The following CHD9 variants were observed in gnomAD, a reference collection of about 807,000 sequenced individuals.
CHD9 encodes the protein ATP-dependent chromatin remodeler CHD9.
In CHD9, 77 loss-of-function variants were observed where a neutral mutation model predicts 316.1. The observed-to-expected ratio is 0.24, with a 90% CI of 0.20 to 0.29. CHD9 has a LOEUF of 0.29. Ranked by LOEUF, CHD9 falls within the 10% of genes least tolerant of loss-of-function variation. The probability of loss-of-function intolerance (pLI) is 1.00; values close to 1 mark genes in which losing one functional copy is unlikely to be tolerated. For synonymous variants in CHD9, 1,129 were observed against 1,158.3 expected, an observed-to-expected ratio of 0.97 and a Z score of 0.51; for missense variants, 2,763 against 3,438.1, an observed-to-expected ratio of 0.80 and a Z score of 4.91.
intron 19 of CHD9, among the ~76,000 whole-genome samples, chr16:53,259,403 T>C (rs2050888257): frequency 6.6e-6 from 1 of 152,206 alleles, no homozygotes; most frequent in Non-Finnish European, 1.5e-5. Context: ...GCATATAATT[T>C]TTTTTTAGGT....
At chr16:53,118,501 C>T (rs952210120) in intron 1 of CHD9, among the ~76,000 whole-genome samples, 1 of 152,074 alleles carries the variant, frequency 6.6e-6, no homozygotes, top group South Asian at 2.1e-4. Context: ...TAATGGTAAC[C>T]AGAGAAAAAG....
Position 53,157,532 on chromosome 16 carries a change from A to G in CHD9, c.1443A>G (p.Leu481=), listed in dbSNP as rs2041602432. 6.2e-7 allele frequency: 1 copy of G among 1,611,294 alleles called. No individual in the cohort carries two copies. The highest frequency in any genetic ancestry group is 2.2e-5 in the East Asian group (1 of 44,824). Residue 481 remains leucine, a synonymous_variant, in exon 2 of 39, where the codon TTA becomes TTG. Transcript: ENST00000447540. ...QHLHDRNHLC[L]QRQPPSSKKS... is the part of the protein sequence containing the mutation. ...TACATGACAGAAATCACCTATGTTT[A>G]CAGCGACAGGTATGTAGCTCTTTGC...
intron 1 of CHD9, among the ~76,000 whole-genome samples, chr16:53,106,335 T>G (rs1398255743): frequency 2.0e-5 from 3 of 152,190 alleles, no homozygotes; most frequent in African/African-American, 4.8e-5. Context: ...AGTTCAGGCT[T>G]CAGAATGTTT....
intron 24 of CHD9, among the ~76,000 whole-genome samples, chr16:53,280,302 G>T (rs2053281606): frequency 6.6e-6 from 1 of 151,264 alleles, no homozygotes; most frequent in South Asian, 2.1e-4. Context: ...AATGGATAAA[G>T]AAACTGTGGT....
Position 53,304,163 on chromosome 16 carries a change from A to C in CHD9, c.6157A>C (p.Lys2053Gln). 1 of 1,612,920 alleles carries C rather than the reference A, an allele frequency of 6.2e-7. No homozygotes were observed. Among genetic ancestry groups the C allele is most frequent in the Non-Finnish European group, 8.5e-7 (1 of 1,179,480 alleles). The part of the protein sequence containing the change: ...EEMKVKSENL[K>Q]EEPQSSEEES... ...GATGAAAGTTAAAAGTGAAAACCTT[A>C]AAGAGGAGCCTCAGTCTTCTGAAGA... The change falls in exon 31 of 39, where the codon AAA becomes CAA. Residue 2053 changes from lysine to glutamine, a missense_variant. Lys to Gln is a moderately conservative substitution (Grantham distance 53). Coordinates refer to ENST00000447540, the MANE Select transcript of CHD9 (RefSeq NM_001308319.2).
chr16:53,063,542 T>C (rs956869368), intron 1 of CHD9, among the ~76,000 whole-genome samples: 4 of 152,066 alleles, frequency 2.6e-5, no homozygotes, highest in Admixed American at 2.0e-4. Flanking sequence ...TTTTTATTTT[T>C]ATTTTTTTGA....
chr16:53,150,994 T>C (rs1477916910), intron 1 of CHD9, among the ~76,000 whole-genome samples: 2 of 152,162 alleles, frequency 1.3e-5, no homozygotes, highest in African/African-American at 4.8e-5. Flanking sequence ...CTTGGATATG[T>C]AGATTAATGT....
chr16:53,058,704 T>C (rs76616241), intron 1 of CHD9, among the ~76,000 whole-genome samples: 2,163 of 152,226 alleles, frequency 0.014, 59 homozygotes, highest in African/African-American at 0.05. Context: ...ATTTCCGCCT[T>C]TGAGAGATGA....
chr16:53,084,120 G>A (rs2035262711), intron 1 of CHD9, among the ~76,000 whole-genome samples: 2 of 151,978 alleles, frequency 1.3e-5, no homozygotes, highest in Admixed American at 1.3e-4. Context: ...CTTGACTCCT[G>A]GTTTCAAGCA....
At position 53,326,748 on chromosome 16, in the gene CHD9, A is replaced by C. The variant is rs576391898; in HGVS notation, c.*1853A>C. The stretch of plus-strand genomic sequence containing the variant: ...TTTGTTTAACTAGAATACACCTATG[A>C]GATAGCCAAAGTTTCAAACACAGTT... On this transcript the variant is annotated 3_prime_UTR_variant, in exon 39 of 39. Coordinates refer to ENST00000447540, the MANE Select transcript of CHD9 (RefSeq NM_001308319.2). 3 of 148,454 alleles carry C rather than the reference A, an allele frequency of 2.0e-5. No individual in the cohort carries two copies. The East Asian group carries it at 6.0e-4, about 30-fold the overall frequency. 9.2% of individuals were successfully genotyped at this position (148,454 alleles called of 1,614,324 possible). A position where few individuals can be genotyped will look rare whatever the true frequency, so the allele number is the denominator to read the frequency against.
In CHD9 at chr16:53,324,329, A is replaced by G. The variant is rs189895358; in HGVS notation, c.8128A>G (p.Met2710Val). ...AGGAGAAGCTAAAAACATGGCTGCT[A>G]TGTTCCCCATGCTGCTGTCAGGAAT... ...SGGEAKNMAAMFPMLLSGMAG... is the reference protein window; with the variant it reads ...SGGEAKNMAAVFPMLLSGMAG... The change falls in exon 39 of 39, where the codon ATG becomes GTG. Residue 2710 changes from methionine to valine, a missense_variant. This residue lies in a region of CHD9 where 298 missense variants were observed against 380.2 expected (regional missense o/e 0.78). Transcript: ENST00000447540. 455 of 1,613,974 alleles carry G rather than the reference A, an allele frequency of 2.8e-4. 4 individuals are homozygous for G. In the Admixed American group the frequency reaches 6.8e-3, roughly 24 times the overall value.
At chr16:53,316,969 C>T (rs1315630484) in intron 36 of CHD9, among the ~76,000 whole-genome samples, 5 of 152,030 alleles carry the variant, frequency 3.3e-5, no homozygotes. Flanking sequence ...GAGGCCGAGG[C>T]GGGCAGATCA....
intron 22 of CHD9, among the ~76,000 whole-genome samples, chr16:53,271,814 A>G (rs926086351): frequency 6.6e-6 from 1 of 152,144 alleles, no homozygotes; most frequent in African/African-American, 2.4e-5. Context: ...TGAATCTGGG[A>G]AAATCTTGTT....
At chr16:53,122,544 C>CT (rs35643983) in intron 1 of CHD9, among the ~76,000 whole-genome samples, 2,085 of 129,830 alleles carry the variant, frequency 0.016, 21 homozygotes, top group Non-Finnish European at 0.025. Context: ...CTGGGAATCC[C>CT]TTTTTTTTTT....
chr16:53,186,052 A>G (rs1445551062), intron 2 of CHD9, among the ~76,000 whole-genome samples: 1 of 152,198 alleles, frequency 6.6e-6, no homozygotes, highest in Non-Finnish European at 1.5e-5. Context: ...GGCACTGCCT[A>G]GTGGAGCTGT....
In CHD9 at chr16:53,238,550, G is replaced by A; in HGVS notation, c.2841G>A (p.Met947Ile). The A allele has an allele frequency of 1.2e-6, 2 of 1,613,202 alleles. No individual in the cohort carries two copies. The highest frequency in any genetic ancestry group is 1.7e-6 in the Non-Finnish European group (2 of 1,179,368). ...VYHGSLISRQMIQQYEMYFRD... is the reference protein window; with the variant it reads ...VYHGSLISRQIIQQYEMYFRD... ...ATGGGAGCCTGATTAGCAGACAAAT[G>A]ATACAGCAATACGAGATGTACTTCA... is the stretch of plus-strand genomic sequence containing the variant. Residue 947 changes from methionine to isoleucine, a missense_variant, in exon 12 of 39, where the codon ATG (methionine) becomes ATA (isoleucine). Around this residue, in one of 15 missense-constraint regions of CHD9, gnomAD observed 186 missense variants for 245.0 expected, o/e 0.76. Coordinates refer to ENST00000447540, the MANE Select transcript of CHD9 (RefSeq NM_001308319.2).
intron 34 of CHD9, among the ~76,000 whole-genome samples, chr16:53,310,410 C>T (rs1457141527): frequency 6.6e-6 from 1 of 151,908 alleles, no homozygotes; most frequent in Non-Finnish European, 1.5e-5. Flanking sequence ...CTTAATAATA[C>T]CACTACTCTT....
Position 53,072,942 on chromosome 16 carries a change from G to A in CHD9, c.-165+17865G>A, listed in dbSNP as rs757275247. ...ACTCCTTACCTCAGGTGATCCACCC[G>A]CCTCGGTCTCCCAAAGTGCTGAGAT... is the stretch of plus-strand genomic sequence containing the variant. On this transcript the variant is annotated intron_variant, in intron 1 of 38. Transcript: ENST00000447540. Among the ~76,000 whole-genome samples the A allele has an allele frequency of 4.6e-5, 7 of 152,154 alleles. 1 individual carries two copies. The South Asian group carries it at 6.2e-4, about 14-fold the overall frequency.
At chr16:53,270,161 A>ATTTT (rs757513307) in intron 22 of CHD9, among the ~76,000 whole-genome samples, 2 of 118,606 alleles carry the variant, frequency 1.7e-5, no homozygotes, top group African/African-American at 6.5e-5. Context: ...CACCTGGCTA[A>ATTTT]TTTTTTTTTT....
Sources: gnomAD v4.1 joint callset for allele counts (sites outside exome capture counted in the v4.1 genomes callset) on GRCh38, gnomAD v4.1.1 for gene constraint, gnomAD v4.1.1 regional missense constraint, MANE v1.5 for transcripts, NCBI Gene and HGNC (gene_info 2026-07-23, HGNC 2026-07-21) for gene names.